The following CATSPERD variants were observed in gnomAD, a reference collection of about 807,000 sequenced individuals.
The protein encoded by CATSPERD is cation channel sperm-associated auxiliary subunit delta.
CATSPERD carries 86 observed loss-of-function variants against 98.1 expected under a neutral mutation model. The ratio of observed to expected loss-of-function variants is 0.88; its 90% confidence interval spans 0.74 to 1.05. The LOEUF is 1.05. CATSPERD is among the 50% of genes least tolerant of loss of function. CATSPERD has a pLI of 0.00. For missense variants in CATSPERD, 995 were observed against 1,005.7 expected (o/e 0.99, Z 0.14); for synonymous variants, 394 against 390.2 (o/e 1.01, Z -0.12).
chr19:5,750,382 C>G (rs907393797), intron 11 of CATSPERD, among the ~76,000 whole-genome samples: 3 of 125,912 alleles, frequency 2.4e-5, no homozygotes, highest in Non-Finnish European at 4.7e-5. Flanking sequence ...ATCCAGGAGG[C>G]GGAGCTTGCA....
chr19:5,767,418 T>C (rs975528638), intron 17 of CATSPERD, among the ~76,000 whole-genome samples: 4 of 151,472 alleles, frequency 2.6e-5, no homozygotes, highest in Non-Finnish European at 5.9e-5. Context: ...CTCAGGTTTT[T>C]TTTTTTTTCC....
chr19:5,746,066 G>A lies in CATSPERD; in HGVS notation c.808+3G>A. On this transcript the variant is annotated splice_donor_region_variant and intron_variant, in intron 9 of 21. Transcript: ENST00000381624. ...CCTGTTGTTTTCCCATAATGCAGGT[G>A]AGCCCAGGGGCCCAGGGTGGGGCTG... 1 of 1,613,338 alleles carries A rather than the reference G, an allele frequency of 6.2e-7. No homozygotes were observed. The highest frequency in any genetic ancestry group is 1.1e-5 in the South Asian group (1 of 91,044).
rs868341627 is a variant in CATSPERD, at chr19:5,757,549, G to A, written c.1279-294G>A. Among the ~76,000 whole-genome samples, 32 of 150,978 alleles carry A rather than the reference G, an allele frequency of 2.1e-4. 1 individual carries two copies. The South Asian group carries it at 5.0e-3, about 24-fold the overall frequency. ...CGACCTCAGGTGATCCACCTGCCTCGGCCTCCCAAAGTGCTGGAAGTACAG... is the reference window on the plus strand; with the variant it reads ...CGACCTCAGGTGATCCACCTGCCTCAGCCTCCCAAAGTGCTGGAAGTACAG... On this transcript the variant is annotated intron_variant, in intron 13 of 21. Transcript: ENST00000381624.
rs1343360097 is a variant in CATSPERD, at chr19:5,757,535, G to A, written c.1279-308G>A. On this transcript the variant is annotated intron_variant, in intron 13 of 21. Coordinates refer to ENST00000381624, the MANE Select transcript of CATSPERD (RefSeq NM_152784.4). ...TGGTCTCAAACTCCCGACCTCAGGT[G>A]ATCCACCTGCCTCGGCCTCCCAAAG... Among the ~76,000 whole-genome samples, 6 of 151,340 alleles carry A rather than the reference G, an allele frequency of 4.0e-5. No homozygotes were observed. The East Asian group carries it at 5.9e-4, about 15-fold the overall frequency.
intron 9 of CATSPERD, among the ~76,000 whole-genome samples, chr19:5,747,469 G>A (rs183242574): frequency 2.9e-3 from 443 of 151,930 alleles, no homozygotes; most frequent in Non-Finnish European, 5.1e-3. Context: ...AACCCGGCCT[G>A]TTTTATTCCT....
intron 7 of CATSPERD, among the ~76,000 whole-genome samples, chr19:5,742,312 GT>G (rs1450523787): frequency 7.0e-6 from 1 of 142,004 alleles, no homozygotes; most frequent in East Asian, 2.0e-4. Flanking sequence ...GTGAATGTGT[GT>G]GTGGGTGTGC....
chr19:5,772,870 T>G lies in CATSPERD; in HGVS notation c.1846T>G (p.Ser616Ala). Reference sequence around the variant, plus strand: ...GAACGGGCAGTTCTCATACTCCTATTCCCTGACGGCCCAGTCGGCCATGTG... The same window carrying G: ...GAACGGGCAGTTCTCATACTCCTATGCCCTGACGGCCCAGTCGGCCATGTG... ...EVNGQFSYSYSLTAQSAMCTS... is the reference protein window; with the variant it reads ...EVNGQFSYSYALTAQSAMCTS... Residue 616 changes from serine to alanine, a missense_variant, in exon 20 of 22, where the codon TCC becomes GCC. Coordinates refer to ENST00000381624, the MANE Select transcript of CATSPERD (RefSeq NM_152784.4). 6.2e-7 allele frequency: 1 copy of G among 1,613,998 alleles called. No individual in the cohort carries two copies. Among genetic ancestry groups the G allele is most frequent in the Non-Finnish European group, 8.5e-7 (1 of 1,180,000 alleles).
intron 6 of CATSPERD, among the ~76,000 whole-genome samples, chr19:5,737,763 T>A (rs1311386440): frequency 1.3e-5 from 2 of 148,444 alleles, no homozygotes; most frequent in Admixed American, 6.8e-5. Flanking sequence ...GGCAGGAGAA[T>A]CCCTTGAGCC....
At chr19:5,761,042 GTT>G (rs34577823) in intron 15 of CATSPERD, among the ~76,000 whole-genome samples, 6 of 146,468 alleles carry the variant, frequency 4.1e-5, no homozygotes, top group Admixed American at 6.8e-5. Context: ...TTTTGTTTTT[GTT>G]TTTTTTTTTG....
chr19:5,763,158 G>A, intron 15 of CATSPERD, 57 bp from the exon 16 acceptor site: 1 of 1,285,284 alleles, frequency 7.8e-7, no homozygotes. Flanking sequence ...ATGGAATGCA[G>A]CTGTGTCGTT....
chr19:5,737,665 A>G (rs1599527913), intron 6 of CATSPERD, among the ~76,000 whole-genome samples: 1 of 151,960 alleles, frequency 6.6e-6, no homozygotes, highest in East Asian at 1.9e-4. Flanking sequence ...CCTGGCCAAC[A>G]TGGCAAAACC....
chr19:5,740,149 C>T (rs953333540), intron 7 of CATSPERD, among the ~76,000 whole-genome samples: 2 of 151,392 alleles, frequency 1.3e-5, no homozygotes, highest in African/African-American at 4.9e-5. Flanking sequence ...GGCGTGGTGG[C>T]ACATGCTTGT....
intron 6 of CATSPERD, among the ~76,000 whole-genome samples, chr19:5,737,786 G>A (rs1008335708): frequency 1.3e-5 from 2 of 150,720 alleles, no homozygotes; most frequent in African/African-American, 2.4e-5. Flanking sequence ...GGAGGCGGAG[G>A]CTGCAGCGAG....
At chr19:5,754,393 CT>C (rs749080620) in intron 13 of CATSPERD, 148 bp downstream of exon 13, 20,179 of 226,686 alleles carry the variant, frequency 0.089, 102 homozygotes, top group African/African-American at 0.15. Flanking sequence ...GTCTCTGTGT[CT>C]TTTTTTTTTT....
At chr19:5,741,740 C>T (rs188942483) in intron 7 of CATSPERD, among the ~76,000 whole-genome samples, 3 of 130,572 alleles carry the variant, frequency 2.3e-5, no homozygotes, top group African/African-American at 5.8e-5. Context: ...GCTGTCCAGG[C>T]GCGGTGCCTC....
chr19:5,747,493 T>G (rs886586248), intron 9 of CATSPERD, among the ~76,000 whole-genome samples: 2 of 151,970 alleles, frequency 1.3e-5, no homozygotes, highest in Non-Finnish European at 2.9e-5. Flanking sequence ...AGTGGTCACC[T>G]GTATTAGAAG....
At chr19:5,748,127 G>T in intron 9 of CATSPERD, 33 bp from the exon 10 acceptor site, 1 of 1,568,236 alleles carries the variant, frequency 6.4e-7, no homozygotes, top group Non-Finnish European at 8.8e-7. Flanking sequence ...GGATGTACAC[G>T]GGGCCTCATG....
rs760768181 is a variant in CATSPERD at position 5,746,051 on chromosome 19, TC to T, written c.799del (p.His267IlefsTer12). ...LLWFENSLLF[S>X]HNAGQLVDTV... Reference sequence around the variant, plus strand: ...ATGGTTTGAGAACAGCCTGTTGTTTTCCCATAATGCAGGTGAGCCCAGGGGC... The same window carrying T: ...ATGGTTTGAGAACAGCCTGTTGTTTTCCATAATGCAGGTGAGCCCAGGGGC... On this transcript the variant is annotated frameshift_variant, in exon 9 of 22. Transcript: ENST00000381624. LOFTEE classifies it high-confidence loss of function. 4 of 1,613,836 alleles carry T rather than the reference TC, an allele frequency of 2.5e-6. No homozygotes were observed. The Admixed American group carries it at 5.0e-5, about 20-fold the overall frequency.
chr19:5,758,969 C>G, intron 14 of CATSPERD, 117 bp from the exon 15 acceptor site: 1 of 764,256 alleles, frequency 1.3e-6, no homozygotes, highest in Non-Finnish European at 2.3e-6. Flanking sequence ...GGCTAAGCGG[C>G]TTCCAGGTTC....
Sources: gnomAD v4.1 joint callset for allele counts (sites outside exome capture counted in the v4.1 genomes callset) on GRCh38, gnomAD v4.1.1 for gene constraint, MANE v1.5 for transcripts, NCBI Gene and HGNC (gene_info 2026-07-23, HGNC 2026-07-21) for gene names.